Variants in CAPN14 observed in about 807,000 individuals in gnomAD.
The protein encoded by CAPN14 is calpain-14.
CAPN14 carries 94 observed loss-of-function variants against 101.3 expected under a neutral mutation model. That is an observed-to-expected ratio of 0.93 (90% CI 0.79 to 1.10). The LOEUF (loss-of-function observed/expected upper bound fraction) is 1.10. Among genes scored for constraint, CAPN14 ranks in the 50% least tolerant of loss-of-function variants. The pLI is 0.00. For missense variants in CAPN14, 837 were observed against 828.4 expected, an observed-to-expected ratio of 1.01 and a Z score of -0.13; for synonymous variants, 338 against 317.9, an observed-to-expected ratio of 1.06 and a Z score of -0.67.
intron 7 of CAPN14, among the ~76,000 whole-genome samples, chr2:31,197,929 C>G (rs1159317056): frequency 6.6e-6 from 1 of 152,212 alleles, no homozygotes; most frequent in South Asian, 2.1e-4. Context: ...TTTCAGACTT[C>G]AGGCCTTCGG....
intron 17 of CAPN14, among the ~76,000 whole-genome samples, chr2:31,179,771 T>C (rs376630412): frequency 2.7e-4 from 41 of 152,310 alleles, no homozygotes; most frequent in African/African-American, 8.4e-4. Context: ...TGGTGTGAGA[T>C]GGTATCTCAT....
chr2:31,197,272 T>G lies in CAPN14; in HGVS notation c.852A>C (p.Glu284Asp). The G allele has an allele frequency of 6.4e-7, 1 of 1,551,124 alleles. No individual in the cohort carries two copies. The highest frequency in any genetic ancestry group is 8.7e-7 in the Non-Finnish European group (1 of 1,146,102). Residue 284 changes from glutamate (E) to aspartate (D), a missense_variant, in exon 8 of 22, where the codon GAA becomes GAC. Physicochemically the swap from Glu to Asp is conservative, Grantham distance 45. Transcript: ENST00000403897. ...VKLRNPWGKVEWKGDWSDSSS... is the reference protein window; with the variant it reads ...VKLRNPWGKVDWKGDWSDSSS... ...ACCTGTCACTCCAGTCTCCTTTCCA[T>G]TCCACCTTTCCCCAGGGGTTCCGTA...
chr2:31,219,118 G>C (rs895493716), upstream of CAPN14, among the ~76,000 whole-genome samples: 4 of 152,098 alleles, frequency 2.6e-5, no homozygotes, highest in Non-Finnish European at 5.9e-5. Context: ...ACCTGGCACA[G>C]GGTTAGGCTC....
At chr2:31,174,767 C>A (rs1680211869) in intron 21 of CAPN14, 60 bp from the exon 22 acceptor site, 1 of 1,509,686 alleles carries the variant, frequency 6.6e-7, no homozygotes, top group African/African-American at 1.4e-5. Flanking sequence ...TCTGGGCCTC[C>A]CCATCCCACA....
At position 31,191,511 on chromosome 2, in the gene CAPN14, C is replaced by T. The variant is rs1681177586; in HGVS notation, c.1279-104G>A. On this transcript the variant is annotated intron_variant, in intron 11 of 21. Transcript: ENST00000403897. ...TCATAAACCGAAACCCGAATAGAAG[C>T]TGATATACAAGGCTCTACCCAGAAG... is the stretch of plus-strand genomic sequence containing the variant. The T allele has an allele frequency of 4.4e-6, 5 of 1,147,220 alleles. No homozygotes were observed. The South Asian group carries it at 4.4e-5, about 10-fold the overall frequency. The allele number at this position is 1,147,220 out of a possible 1,614,324, so 71.1% of individuals were successfully genotyped here.
intron 2 of CAPN14, among the ~76,000 whole-genome samples, chr2:31,203,623 C>G (rs537173396): frequency 6.6e-6 from 1 of 152,106 alleles, no homozygotes; most frequent in Non-Finnish European, 1.5e-5. Context: ...TCAGTCTTTG[C>G]GCGGACACAG....
At chr2:31,189,053 T>C (rs1356572199) in intron 13 of CAPN14, among the ~76,000 whole-genome samples, 1 of 152,226 alleles carries the variant, frequency 6.6e-6, no homozygotes, top group Non-Finnish European at 1.5e-5. Flanking sequence ...TATCTTTTTC[T>C]CTCTAATGTC....
chr2:31,176,577 C>A lies in CAPN14; in HGVS notation c.2028+10G>T, dbSNP rs369188866. ...GATGACATGAGCCACCTCCTTGGGG[C>A]AAGTCTTACCTCTGGCTTCTGGAGG... On this transcript the variant is annotated intron_variant, in intron 21 of 21. Transcript: ENST00000403897. 7 of 1,551,088 alleles carry A rather than the reference C, an allele frequency of 4.5e-6. No homozygotes were observed. Among genetic ancestry groups the A allele is most frequent in the African/African-American group, 1.4e-5 (1 of 73,050 alleles).
intron 1 of CAPN14, among the ~76,000 whole-genome samples, chr2:31,229,191 G>A (rs1572453384): frequency 1.3e-5 from 2 of 152,184 alleles, no homozygotes; most frequent in Non-Finnish European, 2.9e-5. Context: ...CTAGAAAGAA[G>A]GAGAAGGGGC....
At chr2:31,183,593 C>G (rs1014194496) in intron 16 of CAPN14, among the ~76,000 whole-genome samples, 1 of 152,014 alleles carries the variant, frequency 6.6e-6, no homozygotes, top group Non-Finnish European at 1.5e-5. Context: ...AAAATGCTCA[C>G]CATCACTGGC....
At position 31,186,534 on chromosome 2, in the gene CAPN14, C is replaced by T. The variant is rs1370259192; in HGVS notation, c.1588-49G>A. 5.8e-6 allele frequency: 8 copies of T among 1,379,360 alleles called. No homozygotes were observed. In the South Asian group the frequency reaches 8.9e-5, roughly 15 times the overall value. 85.4% of individuals were successfully genotyped at this position (1,379,360 alleles called of 1,614,324 possible). ...GAAAAAATAACTGTTACTGAAGGCTCATTAGATGGCAGAGGGGTCATATGA... is the reference window on the plus strand; with the variant it reads ...GAAAAAATAACTGTTACTGAAGGCTTATTAGATGGCAGAGGGGTCATATGA... On this transcript the variant is annotated intron_variant, in intron 15 of 21. Transcript: ENST00000403897.
chr2:31,201,743 G>T, intron 5 of CAPN14, 119 bp downstream of exon 5: 2 of 1,301,426 alleles, frequency 1.5e-6, no homozygotes, highest in Non-Finnish European at 2.1e-6. Flanking sequence ...TTCTATGTTG[G>T]CTAAGACATG....
intron 19 of CAPN14, 133 bp from the exon 20 acceptor site, chr2:31,177,275 G>T: frequency 6.6e-6 from 4 of 605,160 alleles, no homozygotes; most frequent in Admixed American, 3.1e-5. Flanking sequence ...TCTTTTATAG[G>T]GTTCATTTTG....
chr2:31,219,606 T>C (rs1682800163), upstream of CAPN14, among the ~76,000 whole-genome samples: 1 of 152,120 alleles, frequency 6.6e-6, no homozygotes, highest in Non-Finnish European at 1.5e-5. Context: ...TCAGGAGCAG[T>C]AGAACCGGAG....
At chr2:31,223,473 G>A (rs2148707185) in intron 2 of CAPN14, among the ~76,000 whole-genome samples, 1 of 151,968 alleles carries the variant, frequency 6.6e-6, no homozygotes, top group East Asian at 1.9e-4. Context: ...CCTTCAGAAA[G>A]ACAGTGACAC....
rs1680595820 is a variant in CAPN14 at position 31,181,398 on chromosome 2, T to TTTCTTTC, written c.1646-399_1646-398insGAAAGAA. 1.7e-3 allele frequency among the ~76,000 whole-genome samples: 229 copies of TTTCTTTC among 135,058 alleles called. 1 individual carries two copies. Among genetic ancestry groups the TTTCTTTC allele is most frequent in the African/African-American group, 5.9e-3 (204 of 34,858 alleles). The allele number at this position is 135,058 out of a possible 152,430, so 88.6% of individuals were successfully genotyped here. A position where few individuals can be genotyped will look rare whatever the true frequency, so the allele number is the denominator to read the frequency against. On this transcript the variant is annotated intron_variant, in intron 16 of 21. Transcript: ENST00000403897. ...TTCTCTTTTCTTTTTTTCTTTCTTT[T>TTTCTTTC]TTTCTTTCTTTCTTTCTTTCTTTCT... is the stretch of plus-strand genomic sequence containing the variant.
chr2:31,230,263 G>T lies in CAPN14; in HGVS notation c.-177+3528C>A, dbSNP rs1683149899. On this transcript the variant is annotated intron_variant and NMD_transcript_variant, in intron 1 of 21. Transcript: ENST00000398824. The surrounding 1 kb of genome is among the most constrained non-coding windows in gnomAD (Gnocchi z 4.3). ...ACATTTATCCATTTACTCGGTGAAG[G>T]ACATTTAGTTGTTTATAAATTTTTG... Among the ~76,000 whole-genome samples the T allele has an allele frequency of 6.6e-6, 1 of 152,090 alleles. No homozygotes were observed. The highest frequency in any genetic ancestry group is 2.4e-5 in the African/African-American group (1 of 41,398).
At chr2:31,225,665 G>T (rs1682999900) in intron 2 of CAPN14, among the ~76,000 whole-genome samples, 1 of 152,020 alleles carries the variant, frequency 6.6e-6, no homozygotes, top group East Asian at 1.9e-4. Context: ...TAGTTAATTA[G>T]ATTACAGAAT....
At chr2:31,195,205 T>C (rs933147912) in intron 8 of CAPN14, among the ~76,000 whole-genome samples, 2 of 152,120 alleles carry the variant, frequency 1.3e-5, no homozygotes, top group African/African-American at 4.8e-5. Flanking sequence ...TTCACAGGGG[T>C]TCCCTTGCGT....
Sources: gnomAD v4.1 joint callset for allele counts (sites outside exome capture counted in the v4.1 genomes callset) on GRCh38, gnomAD v4.1.1 for gene constraint, Gnocchi (gnomAD v3.1) non-coding constraint, MANE v1.5 for transcripts, NCBI Gene and HGNC (gene_info 2026-07-23, HGNC 2026-07-21) for gene names.